JARID2: variants seen among roughly 807,000 people sequenced by gnomAD.
The protein encoded by JARID2 is jumonji and AT-rich interaction domain containing 2.
Under a neutral mutation model 125.6 loss-of-function variants are expected in JARID2, and 21 were observed. That is an observed-to-expected ratio of 0.17 (90% CI 0.12 to 0.24). The LOEUF is 0.24. Ranked by LOEUF, JARID2 falls within the 10% of genes least tolerant of loss-of-function variation. JARID2 has a pLI of 1.00. For synonymous variants in JARID2, 736 were observed against 661.6 expected, an observed-to-expected ratio of 1.11 and a Z score of -1.73; for missense variants, 1,303 against 1,639.6, an observed-to-expected ratio of 0.79 and a Z score of 3.55.
intron 16 of JARID2, among the ~76,000 whole-genome samples, chr6:15,516,446 C>G (rs1177622950): frequency 6.6e-6 from 1 of 152,196 alleles, no homozygotes; most frequent in Non-Finnish European, 1.5e-5. Context: ...GGTCTCTGTC[C>G]CAGCACTCTC....
intron 1 of JARID2, among the ~76,000 whole-genome samples, chr6:15,318,946 G>A (rs1022586889): frequency 1.3e-5 from 2 of 152,192 alleles, no homozygotes; most frequent in Non-Finnish European, 2.9e-5. Context: ...TGCACTTCCC[G>A]CTAATTTCTG....
intron 3 of JARID2, among the ~76,000 whole-genome samples, chr6:15,447,121 CA>C (rs1430074713): frequency 6.6e-6 from 1 of 152,190 alleles, no homozygotes; most frequent in Non-Finnish European, 1.5e-5. Context: ...ATACACGCCC[CA>C]GTGATGATCT....
intron 2 of JARID2, among the ~76,000 whole-genome samples, chr6:15,379,839 C>T (rs566415992): frequency 2.0e-5 from 3 of 152,226 alleles, no homozygotes; most frequent in African/African-American, 7.2e-5. Flanking sequence ...TAAGACCAGG[C>T]CTTTTGGATC....
chr6:15,352,439 A>G (rs1763462527), intron 1 of JARID2, among the ~76,000 whole-genome samples: 1 of 152,214 alleles, frequency 6.6e-6, no homozygotes, highest in South Asian at 2.1e-4. Flanking sequence ...TTACTAAGTA[A>G]AAAGTCCCCA....
At chr6:15,501,833 C>T (rs1770752158) in intron 8 of JARID2, among the ~76,000 whole-genome samples, 1 of 152,192 alleles carries the variant, frequency 6.6e-6, no homozygotes, top group South Asian at 2.1e-4. Context: ...CACACATCTC[C>T]ATATGCCAGG....
intron 3 of JARID2, among the ~76,000 whole-genome samples, chr6:15,439,740 A>G (rs1487147424): frequency 6.6e-6 from 1 of 151,296 alleles, no homozygotes; most frequent in East Asian, 1.9e-4. Flanking sequence ...AGAAATTGTC[A>G]TGGAGTTAAA....
chr6:15,277,205 G>A (rs1444210433), intron 1 of JARID2, among the ~76,000 whole-genome samples: 3 of 152,130 alleles, frequency 2.0e-5, no homozygotes, highest in Non-Finnish European at 4.4e-5. Context: ...AGAGAGAAGT[G>A]GCCTGAAGTA....
intron 3 of JARID2, among the ~76,000 whole-genome samples, chr6:15,420,412 AAG>A (rs1554134764): frequency 6.6e-6 from 1 of 151,862 alleles, no homozygotes. Context: ...AAAAAAAAAA[AAG>A]AAGTTAGATT....
At chr6:15,339,628 T>C (rs1316977628) in intron 1 of JARID2, among the ~76,000 whole-genome samples, 2 of 148,316 alleles carry the variant, frequency 1.3e-5, no homozygotes, top group African/African-American at 5.0e-5. Context: ...CTCTGCCTCC[T>C]GGGTTCAAGC....
intron 1 of JARID2, among the ~76,000 whole-genome samples, chr6:15,354,975 C>T (rs897657425): frequency 6.6e-6 from 1 of 152,174 alleles, no homozygotes; most frequent in African/African-American, 2.4e-5. Flanking sequence ...CTGCGGATTG[C>T]TGACCATGAT....
At chr6:15,375,731 T>TG (rs967948115) in intron 2 of JARID2, among the ~76,000 whole-genome samples, 9 of 152,254 alleles carry the variant, frequency 5.9e-5, no homozygotes, top group African/African-American at 1.9e-4. Context: ...TGATTAAATG[T>TG]GGGGGGTTGG....
intron 2 of JARID2, among the ~76,000 whole-genome samples, chr6:15,387,388 T>C (rs1397010662): frequency 6.6e-6 from 1 of 152,194 alleles, no homozygotes; most frequent in African/African-American, 2.4e-5. Context: ...AGTTCTGGTG[T>C]CTGTAAGTCC....
At chr6:15,518,897 C>T (rs1164443121) in intron 17 of JARID2, among the ~76,000 whole-genome samples, 3 of 152,228 alleles carry the variant, frequency 2.0e-5, no homozygotes, top group Non-Finnish European at 4.4e-5. Flanking sequence ...TGACCCGGGA[C>T]AGTCTGCTTT....
chr6:15,517,583 A>G (rs1771625209), intron 17 of JARID2, among the ~76,000 whole-genome samples: 1 of 151,978 alleles, frequency 6.6e-6, no homozygotes, highest in Admixed American at 6.5e-5. Context: ...CTTTTTTGTG[A>G]CCTGTCCCAG....
At chr6:15,346,382 T>G (rs956946922) in intron 1 of JARID2, among the ~76,000 whole-genome samples, 16 of 152,246 alleles carry the variant, frequency 1.1e-4, no homozygotes, top group African/African-American at 3.6e-4. Context: ...TCATATATAG[T>G]GGAAGTAATT....
intron 2 of JARID2, among the ~76,000 whole-genome samples, chr6:15,404,951 A>G (rs941579701): frequency 2.0e-5 from 3 of 152,352 alleles, no homozygotes; most frequent in Middle Eastern, 3.4e-3. Context: ...CTAAAACATC[A>G]TAAAATGATA....
At chr6:15,248,158 GGCACGAGTTAAT>G (rs1443753837) in intron 1 of JARID2, 1 of 890,320 alleles carries the variant, frequency 1.1e-6, no homozygotes, top group Non-Finnish European at 1.3e-6. Context: ...CGGGAGGCAC[GGCACGAGTTAAT>G]GCACCGGGAG....
intron 8 of JARID2, among the ~76,000 whole-genome samples, chr6:15,503,868 C>T (rs1770862416): frequency 6.6e-6 from 1 of 152,200 alleles, no homozygotes; most frequent in Admixed American, 6.5e-5. Flanking sequence ...TCAAAGCAAG[C>T]AAATCATTCT....
chr6:15,256,556 C>T (rs1759673152), intron 1 of JARID2, among the ~76,000 whole-genome samples: 2 of 152,298 alleles, frequency 1.3e-5, no homozygotes, highest in East Asian at 1.9e-4. Flanking sequence ...GTTCCCAGCC[C>T]TTCTTGATGT....
Sources: allele counts gnomAD v4.1 joint callset (sites outside exome capture counted in the v4.1 genomes callset), GRCh38; gene constraint gnomAD v4.1.1; transcripts MANE v1.5; gene names NCBI Gene and HGNC (gene_info 2026-07-23, HGNC 2026-07-21).